The following LRFN5 variants were observed in gnomAD, a reference collection of about 807,000 sequenced individuals.
The protein encoded by LRFN5 is leucine-rich repeat and fibronectin type-III domain-containing protein 5.
LRFN5 carries 24 observed loss-of-function variants against 45.6 expected under a neutral mutation model. That is an observed-to-expected ratio of 0.53 (90% CI 0.38 to 0.74). LRFN5 has a LOEUF of 0.74. Among genes scored for constraint, LRFN5 ranks in the 30% least tolerant of loss-of-function variants. The pLI is 0.00. For synonymous variants in LRFN5, 340 were observed against 313.8 expected (o/e 1.08, Z -0.88); for missense variants, 776 against 861.5 (o/e 0.90, Z 1.24).
At chr14:41,634,606 A>T (rs79203711) in intron 1 of LRFN5, among the ~76,000 whole-genome samples, 1 of 152,306 alleles carries the variant, frequency 6.6e-6, no homozygotes, top group East Asian at 1.9e-4. Context: ...GGTCCTGAAA[A>T]GTTGAAGTAT....
At chr14:41,720,219 A>G (rs928655883) in intron 1 of LRFN5, among the ~76,000 whole-genome samples, 10 of 152,080 alleles carry the variant, frequency 6.6e-5, no homozygotes, top group African/African-American at 2.4e-4. Flanking sequence ...CATGTAATTT[A>G]CTTAGGATAA....
intron 1 of LRFN5, among the ~76,000 whole-genome samples, chr14:41,613,043 A>G (rs979957795): frequency 6.6e-6 from 1 of 152,108 alleles, no homozygotes; most frequent in African/African-American, 2.4e-5. Context: ...TAAGTGATAA[A>G]AATTACAATG....
intron 1 of LRFN5, among the ~76,000 whole-genome samples, chr14:41,759,696 T>C (rs975434694): frequency 6.6e-6 from 1 of 152,188 alleles, no homozygotes; most frequent in African/African-American, 2.4e-5. Context: ...TGTGGTCTGG[T>C]ACCCAAAGCA....
intron 2 of LRFN5, among the ~76,000 whole-genome samples, chr14:41,849,497 A>C (rs1889189402): frequency 6.6e-6 from 1 of 151,328 alleles, no homozygotes; most frequent in African/African-American, 2.4e-5. Flanking sequence ...ACTGCACTGC[A>C]ATTACTGGGA....
intron 2 of LRFN5, among the ~76,000 whole-genome samples, chr14:41,818,185 C>A (rs1887986058): frequency 6.6e-6 from 1 of 151,814 alleles, no homozygotes; most frequent in Admixed American, 6.6e-5. Context: ...TTATTCTTCC[C>A]TTCCTGTTTA....
intron 2 of LRFN5, among the ~76,000 whole-genome samples, chr14:41,813,444 G>A (rs1279365207): frequency 1.3e-5 from 2 of 152,236 alleles, no homozygotes; most frequent in African/African-American, 4.8e-5. Context: ...AACAAATGGT[G>A]TTTAGTTTTC....
chr14:41,734,316 T>TTTTATA (rs1555358693), intron 1 of LRFN5, among the ~76,000 whole-genome samples: 2 of 38,768 alleles, frequency 5.2e-5, no homozygotes, highest in Non-Finnish European at 1.4e-4. Context: ...TGGACTGGTT[T>TTTTATA]TATATATATA....
In LRFN5 at chr14:41,606,884, C is replaced by T. The variant is rs2138526109; in HGVS notation, c.-1875C>T. Among the ~76,000 whole-genome samples the T allele has an allele frequency of 6.6e-6, 1 of 152,052 alleles. No individual in the cohort carries two copies. The highest frequency in any genetic ancestry group is 6.5e-5 in the Admixed American group (1 of 15,280). ...GCCGCGCGCCCGCCGCCGCCGCCGC[C>T]GCCGCCTTCATGCTGCAGCGCAGGG... On this transcript the variant is annotated 5_prime_UTR_variant, in exon 1 of 6. Transcript: ENST00000298119.
chr14:41,743,197 AT>A (rs774352932), intron 1 of LRFN5, among the ~76,000 whole-genome samples: 6 of 152,112 alleles, frequency 3.9e-5, no homozygotes, highest in Non-Finnish European at 5.9e-5. Flanking sequence ...CATGTTGTGC[AT>A]TTTTTTATAA....
chr14:41,760,905 T>C (rs4904776), intron 1 of LRFN5, among the ~76,000 whole-genome samples: 87,944 of 151,892 alleles, frequency 0.58, 26,229 homozygotes, highest in East Asian at 0.94. Context: ...TTTGCTATTA[T>C]CCAATAATCA....
At chr14:41,903,331 C>A (rs1044567971) in intron 5 of LRFN5, among the ~76,000 whole-genome samples, 32 of 151,296 alleles carry the variant, frequency 2.1e-4, no homozygotes, top group African/African-American at 7.0e-4. Flanking sequence ...ATGATTCATT[C>A]ATGCCATGCA....
At chr14:41,719,684 T>C (rs1207989808) in intron 1 of LRFN5, among the ~76,000 whole-genome samples, 1 of 151,978 alleles carries the variant, frequency 6.6e-6, no homozygotes, top group African/African-American at 2.4e-5. Context: ...AAGATTTTGA[T>C]ATATACTTCA....
chr14:41,893,509 C>T (rs1235714179), intron 4 of LRFN5: 2 of 984,576 alleles, frequency 2.0e-6, no homozygotes, highest in East Asian at 1.1e-4. Flanking sequence ...ATGTCAAGTA[C>T]TCTTTGGGAG....
intron 1 of LRFN5, among the ~76,000 whole-genome samples, chr14:41,750,266 CTT>C (rs1491565813): frequency 2.2e-4 from 14 of 64,810 alleles, no homozygotes; most frequent in African/African-American, 5.9e-4. Flanking sequence ...AGTAACTTTT[CTT>C]ATATATATAT....
At chr14:41,662,569 T>C (rs559914984) in intron 1 of LRFN5, among the ~76,000 whole-genome samples, 1 of 152,016 alleles carries the variant, frequency 6.6e-6, no homozygotes, top group Non-Finnish European at 1.5e-5. Context: ...AGGAGGATAA[T>C]TAAAAAAATA....
intron 1 of LRFN5, among the ~76,000 whole-genome samples, chr14:41,670,727 G>C (rs1392345233): frequency 6.6e-6 from 1 of 151,794 alleles, no homozygotes; most frequent in Non-Finnish European, 1.5e-5. Context: ...TATTTCAATA[G>C]ATAGCCAAAT....
At chr14:41,683,951 C>G (rs2138691092) in intron 1 of LRFN5, among the ~76,000 whole-genome samples, 1 of 152,184 alleles carries the variant, frequency 6.6e-6, no homozygotes, top group Non-Finnish European at 1.5e-5. Flanking sequence ...AAACAATCCC[C>G]AAAATTATGT....
At chr14:41,645,893 A>C (rs1403183214) in intron 1 of LRFN5, among the ~76,000 whole-genome samples, 2 of 152,312 alleles carry the variant, frequency 1.3e-5, no homozygotes, top group Middle Eastern at 3.4e-3. Context: ...TGGGGCAGTT[A>C]CAAATTACAT....
chr14:41,752,551 C>T (rs1186805136), intron 1 of LRFN5, among the ~76,000 whole-genome samples: 1 of 151,960 alleles, frequency 6.6e-6, no homozygotes, highest in African/African-American at 2.4e-5. Flanking sequence ...CTTTTCGCTG[C>T]TAAATGTCTT....
Sources: allele counts gnomAD v4.1 joint callset (sites outside exome capture counted in the v4.1 genomes callset), GRCh38; gene constraint gnomAD v4.1.1; transcripts MANE v1.5; gene names NCBI Gene and HGNC (gene_info 2026-07-23, HGNC 2026-07-21).